Variants in USP25 observed in about 807,000 individuals in gnomAD.
USP25 encodes the protein ubiquitin carboxyl-terminal hydrolase 25.
In USP25, 85 loss-of-function variants were observed where a neutral mutation model predicts 158.5. The observed-to-expected ratio is 0.54, with a 90% CI of 0.45 to 0.64. The LOEUF (loss-of-function observed/expected upper bound fraction) is 0.64, where lower values mean the gene tolerates loss of function less well. Among genes scored for constraint, USP25 ranks in the 30% least tolerant of loss-of-function variants. The pLI is 0.00. For missense variants in USP25, 1,242 were observed against 1,327.3 expected, an observed-to-expected ratio of 0.94 and a Z score of 1.00; for synonymous variants, 464 against 460.4, an observed-to-expected ratio of 1.01 and a Z score of -0.10.
chr21:15,849,926 T>G (rs960412696), intron 20 of USP25, 54 bp downstream of exon 20: 1 of 1,285,686 alleles, frequency 7.8e-7, no homozygotes, highest in Non-Finnish European at 1.1e-6. Flanking sequence ...TTAAACTTCT[T>G]AAAATATTTT....
intron 5 of USP25, among the ~76,000 whole-genome samples, chr21:15,792,274 C>T (rs906582988): frequency 2.7e-5 from 4 of 147,164 alleles, no homozygotes; most frequent in African/African-American, 7.5e-5. Context: ...TGTAGATATC[C>T]CTCTTTTCAA....
chr21:15,795,692 C>T (rs2035827344), intron 5 of USP25, among the ~76,000 whole-genome samples: 3 of 151,570 alleles, frequency 2.0e-5, no homozygotes, highest in Middle Eastern at 3.2e-3. Flanking sequence ...TTTTCTGAAC[C>T]TGAGTCATTT....
chr21:15,827,744 G>A (rs1208657843), intron 14 of USP25, among the ~76,000 whole-genome samples: 2 of 146,516 alleles, frequency 1.4e-5, no homozygotes, highest in Non-Finnish European at 3.0e-5. Context: ...TGGGTGGGGT[G>A]TGTGCACTTG....
intron 10 of USP25, among the ~76,000 whole-genome samples, chr21:15,821,191 C>A (rs2037217096): frequency 6.6e-6 from 1 of 151,846 alleles, no homozygotes; most frequent in South Asian, 2.1e-4. Flanking sequence ...TAAGTATTTG[C>A]ATCTGTCCAC....
At chr21:15,839,578 C>T (rs1032845901) in intron 17 of USP25, among the ~76,000 whole-genome samples, 1 of 152,078 alleles carries the variant, frequency 6.6e-6, no homozygotes, top group Non-Finnish European at 1.5e-5. Flanking sequence ...ATTAATAGTG[C>T]TTATCTCTGA....
At chr21:15,824,937 A>G in intron 11 of USP25, 29 bp from the exon 12 acceptor site, 3 of 1,557,642 alleles carry the variant, frequency 1.9e-6, no homozygotes, top group Non-Finnish European at 1.8e-6. Flanking sequence ...TGATATTCGG[A>G]AATGCTAATG....
intron 4 of USP25, among the ~76,000 whole-genome samples, chr21:15,786,809 G>A (rs879626043): frequency 1.3e-5 from 2 of 151,988 alleles, no homozygotes; most frequent in Non-Finnish European, 2.9e-5. Context: ...ATCAAAATTG[G>A]AAAGGAGAAA....
At chr21:15,845,359 A>G (rs1382321393) in intron 18 of USP25, among the ~76,000 whole-genome samples, 2 of 152,174 alleles carry the variant, frequency 1.3e-5, no homozygotes, top group Non-Finnish European at 1.5e-5. Flanking sequence ...CCTGAAAACA[A>G]TAGAAAAAGA....
At chr21:15,782,015 C>A (rs2034993601) in intron 4 of USP25, among the ~76,000 whole-genome samples, 3 of 152,192 alleles carry the variant, frequency 2.0e-5, no homozygotes, top group Non-Finnish European at 4.4e-5. Context: ...GCCCTCATTC[C>A]ACAAAGTTCA....
At chr21:15,735,964 C>CTGTGTGTG (rs530159084) in intron 1 of USP25, among the ~76,000 whole-genome samples, 3,534 of 145,008 alleles carry the variant, frequency 0.024, 59 homozygotes, top group African/African-American at 0.053. Flanking sequence ...TGTCCTAAAT[C>CTGTGTGTG]TGTGTGTGTG....
chr21:15,793,496 T>A (rs1354020916), intron 5 of USP25, among the ~76,000 whole-genome samples: 1 of 143,534 alleles, frequency 7.0e-6, no homozygotes, highest in Non-Finnish European at 1.5e-5. Context: ...AAAAAAATTA[T>A]CTTTTAAAAA....
Position 15,878,527 on chromosome 21 carries a change from C to T in USP25, c.*52C>T, listed in dbSNP as rs2040188790. ...TATAAACTCTTTTTAGTTCTTAACC[C>T]TTGCCTTCCTGTCACAGGGTTTGCT... is the stretch of plus-strand genomic sequence containing the variant. On this transcript the variant is annotated 3_prime_UTR_variant, in exon 26 of 26. Coordinates refer to ENST00000400183, the MANE Select transcript of USP25 (RefSeq NM_001283041.3). 3 of 1,531,230 alleles carry T rather than the reference C, an allele frequency of 2.0e-6. No homozygotes were observed. Among genetic ancestry groups the T allele is most frequent in the Non-Finnish European group, 2.6e-6 (3 of 1,135,646 alleles). 94.9% of individuals were successfully genotyped at this position (1,531,230 alleles called of 1,614,324 possible).
chr21:15,872,079 T>C (rs559116980), intron 23 of USP25, among the ~76,000 whole-genome samples: 2 of 146,334 alleles, frequency 1.4e-5, no homozygotes, highest in Admixed American at 6.8e-5. Flanking sequence ...TGTAGCTAGC[T>C]GTTTGTAAAA....
rs372222814 is a variant in USP25, at chr21:15,762,928, C to T, written c.83C>T (p.Thr28Met). 3.1e-5 allele frequency: 50 copies of T among 1,612,426 alleles called. No individual in the cohort carries two copies. Among genetic ancestry groups the T allele is most frequent in the Non-Finnish European group, 3.9e-5 (46 of 1,179,118 alleles). Residue 28 changes from threonine to methionine, a missense_variant, in exon 2 of 26, where the codon ACG becomes ATG. Around this residue, in one of 3 missense-constraint regions of USP25, gnomAD observed 627 missense variants for 701.4 expected, o/e 0.89. Coordinates refer to ENST00000400183, the MANE Select transcript of USP25 (RefSeq NM_001283041.3). ...QTFLNQLREI[T>M]GINDTQILQQ... ...TTTTTGAATCAACTGAGAGAAATTA[C>T]GGGGATTAATGACACCCAGATACTA... is the stretch of plus-strand genomic sequence containing the variant.
Position 15,766,117 on chromosome 21 carries a change from A to C in USP25, c.244A>C (p.Ser82Arg). 6.2e-7 allele frequency: 1 copy of C among 1,604,268 alleles called. No homozygotes were observed. The highest frequency in any genetic ancestry group is 8.5e-7 in the Non-Finnish European group (1 of 1,176,388). Residue 82 changes from serine to arginine, a missense_variant, in exon 3 of 26, where the codon AGT becomes CGT. Ser to Arg is a moderately radical substitution (Grantham distance 110). Coordinates refer to ENST00000400183, the MANE Select transcript of USP25 (RefSeq NM_001283041.3). The surrounding 1 kb of genome is among the most constrained non-coding windows in gnomAD (Gnocchi z 4.0). ...ACTTCCTGGCAATGATAGATACATCAGTGTGGGAAGCCAAGCAGATACAAG... is the reference window on the plus strand; with the variant it reads ...ACTTCCTGGCAATGATAGATACATCCGTGTGGGAAGCCAAGCAGATACAAG... ...TALPGNDRYI[S>R]VGSQADTNVI...
At chr21:15,798,317 G>A (rs2035962099) in intron 5 of USP25, among the ~76,000 whole-genome samples, 1 of 151,324 alleles carries the variant, frequency 6.6e-6, no homozygotes, top group Admixed American at 6.6e-5. Flanking sequence ...CCCTGACACA[G>A]CTATTTTTTA....
intron 9 of USP25, among the ~76,000 whole-genome samples, chr21:15,813,855 T>C (rs2036797678): frequency 6.6e-6 from 1 of 152,050 alleles, no homozygotes; most frequent in Non-Finnish European, 1.5e-5. Context: ...CTTGCTAAGG[T>C]TATTGATTTT....
intron 18 of USP25, among the ~76,000 whole-genome samples, chr21:15,844,727 C>T (rs2038498650): frequency 6.6e-6 from 1 of 151,960 alleles, no homozygotes; most frequent in Admixed American, 6.6e-5. Flanking sequence ...ATGCATAGTC[C>T]CACTCACTAC....
intron 6 of USP25, among the ~76,000 whole-genome samples, chr21:15,804,749 T>A (rs2036295716): frequency 6.6e-6 from 1 of 152,110 alleles, no homozygotes. Context: ...GAACACTCAT[T>A]GAATGTTGGC....
Sources: allele counts gnomAD v4.1 joint callset (sites outside exome capture counted in the v4.1 genomes callset), GRCh38; gene constraint gnomAD v4.1.1; regional missense constraint gnomAD v4.1.1; non-coding constraint Gnocchi (gnomAD v3.1); transcripts MANE v1.5; gene names NCBI Gene and HGNC (gene_info 2026-07-23, HGNC 2026-07-21).